Variants in CD247 observed in about 807,000 individuals in gnomAD.
The protein encoded by CD247 is T-cell surface glycoprotein CD3 zeta chain.
A neutral mutation model predicts 30.0 loss-of-function variants in CD247; 13 were observed. The observed-to-expected ratio is 0.43, with a 90% CI of 0.28 to 0.69. The LOEUF is 0.69. CD247 is among the 30% of genes least tolerant of loss of function. CD247 has a pLI of 0.16. For missense variants in CD247, 193 were observed against 212.6 expected, an observed-to-expected ratio of 0.91 and a Z score of 0.57; for synonymous variants, 72 against 80.0, an observed-to-expected ratio of 0.90 and a Z score of 0.53.
At chr1:167,517,895 G>A (rs1476311172) in intron 1 of CD247, among the ~76,000 whole-genome samples, 1 of 152,170 alleles carries the variant, frequency 6.6e-6, no homozygotes, top group Admixed American at 6.5e-5. Flanking sequence ...TTACTCCCGG[G>A]CCCATTGGAG....
At chr1:167,499,212 A>ATC (rs1287978967) in intron 1 of CD247, among the ~76,000 whole-genome samples, 1 of 152,200 alleles carries the variant, frequency 6.6e-6, no homozygotes, top group Non-Finnish European at 1.5e-5. Flanking sequence ...TGCTACTGTC[A>ATC]TCTAGTGGGT....
At chr1:167,493,095 T>A (rs561883854) in intron 1 of CD247, among the ~76,000 whole-genome samples, 10 of 127,810 alleles carry the variant, frequency 7.8e-5, no homozygotes, top group Non-Finnish European at 6.1e-5. Flanking sequence ...CAGGCTGGAG[T>A]GCAGTGGTGC....
intron 1 of CD247, among the ~76,000 whole-genome samples, chr1:167,469,496 T>C (rs1391987900): frequency 2.0e-5 from 3 of 152,216 alleles, no homozygotes; most frequent in Non-Finnish European, 2.9e-5. Flanking sequence ...GTGGTTCTTG[T>C]TGATGTTGGG....
chr1:167,439,258 AC>A (rs1651695846), intron 3 of CD247, 85 bp downstream of exon 3: 1 of 1,276,854 alleles, frequency 7.8e-7, no homozygotes. Context: ...CCAAACCTAA[AC>A]CCAAGACTCT....
At chr1:167,443,307 T>C (rs1204511713) in intron 1 of CD247, among the ~76,000 whole-genome samples, 1 of 152,170 alleles carries the variant, frequency 6.6e-6, no homozygotes, top group East Asian at 1.9e-4. Context: ...TATCATGGAA[T>C]TTTTCAGGGC....
rs528580716 is a variant in CD247, at chr1:167,494,444, C to T, written c.58+23964G>A. Among the ~76,000 whole-genome samples the T allele has an allele frequency of 2.6e-4, 40 of 152,194 alleles. No individual in the cohort carries two copies. The highest frequency in any genetic ancestry group is 3.4e-3 in the Middle Eastern group (1 of 294). ...CACTACACTAGTGTGAGGAGGACCT[C>T]GGGAGAAATCGCATAGCTCCCTGGG... On this transcript the variant is annotated intron_variant, in intron 1 of 7. Transcript: ENST00000362089. The surrounding 1 kb of genome is among the most constrained non-coding windows in gnomAD (Gnocchi z 7.3).
chr1:167,446,741 C>T (rs1652099523), intron 1 of CD247, among the ~76,000 whole-genome samples: 1 of 152,288 alleles, frequency 6.6e-6, no homozygotes, highest in South Asian at 2.1e-4. Context: ...CGCCTATAAT[C>T]CCAGCACTTT....
At chr1:167,511,971 G>A (rs535020549) in intron 1 of CD247, among the ~76,000 whole-genome samples, 1 of 152,306 alleles carries the variant, frequency 6.6e-6, no homozygotes, top group East Asian at 1.9e-4. Flanking sequence ...AGGGATGGCT[G>A]CACTCAGAGA....
intron 1 of CD247, among the ~76,000 whole-genome samples, chr1:167,460,911 T>C (rs1652979770): frequency 6.6e-6 from 1 of 152,212 alleles, no homozygotes; most frequent in South Asian, 2.1e-4. Flanking sequence ...GGCCATGCTG[T>C]CCAGGCAGCC....
At chr1:167,469,142 C>T (rs1653394493) in intron 1 of CD247, among the ~76,000 whole-genome samples, 1 of 152,070 alleles carries the variant, frequency 6.6e-6, no homozygotes, top group Non-Finnish European at 1.5e-5. Context: ...GCCACAGTGC[C>T]CGGCTAATTT....
At chr1:167,499,250 T>A (rs747224069) in intron 1 of CD247, among the ~76,000 whole-genome samples, 2 of 152,194 alleles carry the variant, frequency 1.3e-5, no homozygotes, top group Non-Finnish European at 2.9e-5. Context: ...CTCAACATTC[T>A]ACAATGCACA....
chr1:167,471,535 TC>T (rs1653520494), intron 1 of CD247, among the ~76,000 whole-genome samples: 1 of 152,246 alleles, frequency 6.6e-6, no homozygotes, highest in Non-Finnish European at 1.5e-5. Context: ...AACATTTTTT[TC>T]ATGTGTTTTC....
chr1:167,476,324 C>T (rs1397812853), intron 1 of CD247, among the ~76,000 whole-genome samples: 1 of 152,140 alleles, frequency 6.6e-6, no homozygotes, highest in Non-Finnish European at 1.5e-5. Flanking sequence ...TCTCCCCAAG[C>T]CCTACCAAGC....
intron 1 of CD247, among the ~76,000 whole-genome samples, chr1:167,453,609 G>GT (rs1425042077): frequency 6.6e-6 from 1 of 151,922 alleles, no homozygotes; most frequent in Non-Finnish European, 1.5e-5. Context: ...ATATATAACC[G>GT]TTAAAAAAAA....
At chr1:167,453,751 T>C (rs1722994) in intron 1 of CD247, among the ~76,000 whole-genome samples, 128,960 of 152,172 alleles carry the variant, frequency 0.85, 57,246 homozygotes, top group East Asian at 1. Flanking sequence ...GAGGATTTCT[T>C]GAGCTCAGGA....
intron 1 of CD247, among the ~76,000 whole-genome samples, chr1:167,443,633 C>G (rs1651940131): frequency 6.6e-6 from 1 of 152,080 alleles, no homozygotes; most frequent in Non-Finnish European, 1.5e-5. Context: ...AGAAATATTT[C>G]TTTGTGTTGT....
chr1:167,465,074 C>T (rs1337512328), intron 1 of CD247, among the ~76,000 whole-genome samples: 1 of 152,150 alleles, frequency 6.6e-6, no homozygotes, highest in African/African-American at 2.4e-5. Context: ...CTCCAATACT[C>T]AATCTTCCTG....
chr1:167,491,706 G>A (rs992202062), intron 1 of CD247, among the ~76,000 whole-genome samples: 1 of 152,188 alleles, frequency 6.6e-6, no homozygotes, highest in African/African-American at 2.4e-5. Context: ...TCACTAAAAG[G>A]TGGACGCAAC....
rs35271523 is a variant in CD247 at position 167,443,735 on chromosome 1, CCTT to C, written c.59-2971_59-2969del. 3.4e-3 allele frequency among the ~76,000 whole-genome samples: 517 copies of C among 152,308 alleles called. 3 individuals carry two copies. Among genetic ancestry groups the C allele is most frequent in the African/African-American group, 0.011 (448 of 41,566 alleles). On this transcript the variant is annotated intron_variant, in intron 1 of 7. Coordinates refer to ENST00000362089, the MANE Select transcript of CD247 (RefSeq NM_198053.3). ...AGTTTCCTTCCTTTCTTCCTTCCCT[CCTT>C]CCTTCTTCCTTTCTTTCTGCATAGT...
Sources: gnomAD v4.1 joint callset for allele counts (sites outside exome capture counted in the v4.1 genomes callset) on GRCh38, gnomAD v4.1.1 for gene constraint, Gnocchi (gnomAD v3.1) non-coding constraint, MANE v1.5 for transcripts, NCBI Gene and HGNC (gene_info 2026-07-23, HGNC 2026-07-21) for gene names.